The following RSPRY1 variants were observed in gnomAD, a reference collection of about 807,000 sequenced individuals.
RSPRY1 encodes the protein ring finger and SPRY domain containing 1.
RSPRY1 carries 23 observed loss-of-function variants against 73.1 expected under a neutral mutation model. That is an observed-to-expected ratio of 0.31 (90% CI 0.23 to 0.45). RSPRY1 has a LOEUF of 0.45. RSPRY1 is among the 20% of genes least tolerant of loss of function. The pLI, the probability that RSPRY1 is intolerant of heterozygous loss-of-function variation, is 1.00. For missense variants in RSPRY1, 448 were observed against 698.7 expected (o/e 0.64, Z 4.05); for synonymous variants, 226 against 251.4 (o/e 0.90, Z 0.95).
chr16:57,204,987 T>C lies in RSPRY1; in HGVS notation c.329T>C (p.Val110Ala), dbSNP rs1264724922. Reference protein sequence around the residue: ...VDGLVLDTLAVIRTLVDNDQE... With the variant: ...VDGLVLDTLAAIRTLVDNDQE... ...GGGCTAGTGTTGGACACACTGGCAGTAATACGGACTCTTGTAGATAAGTAA... is the reference window on the plus strand; with the variant it reads ...GGGCTAGTGTTGGACACACTGGCAGCAATACGGACTCTTGTAGATAAGTAA... The change falls in exon 2 of 15, where the codon GTA becomes GCA. Residue 110 changes from valine (V) to alanine (A), a missense_variant. Transcript: ENST00000394420. 1 of 1,613,554 alleles carries C rather than the reference T, an allele frequency of 6.2e-7. No individual in the cohort carries two copies. Among genetic ancestry groups the C allele is most frequent in the Non-Finnish European group, 8.5e-7 (1 of 1,179,566 alleles).
intron 8 of RSPRY1, among the ~76,000 whole-genome samples, chr16:57,218,720 CTTTTTTTTTTTTTTTTTTT>C (rs869295634): frequency 1.2e-4 from 5 of 41,130 alleles, no homozygotes; most frequent in South Asian, 1.5e-3. Context: ...GCCACATTTT[CTTTTTTTTTTTTTTTTTTT>C]TTTTTTTTTT....
intron 4 of RSPRY1, among the ~76,000 whole-genome samples, chr16:57,212,209 G>A (rs1432258093): frequency 6.6e-6 from 1 of 152,136 alleles, no homozygotes; most frequent in Non-Finnish European, 1.5e-5. Context: ...TACGAGGGAG[G>A]CTGAAGTGGG....
chr16:57,189,515 A>G (rs1421140367), intron 1 of RSPRY1, among the ~76,000 whole-genome samples: 1 of 152,018 alleles, frequency 6.6e-6, no homozygotes, highest in East Asian at 1.9e-4. Flanking sequence ...AAAAAAAAAA[A>G]AAGTGTGTTT....
intron 14 of RSPRY1, among the ~76,000 whole-genome samples, chr16:57,238,208 T>C (rs2075328981): frequency 6.6e-6 from 1 of 152,236 alleles, no homozygotes; most frequent in Non-Finnish European, 1.5e-5. Flanking sequence ...GAGTCTCTTC[T>C]TGGATAGGAG....
chr16:57,192,775 G>T (rs1482736037), intron 1 of RSPRY1, among the ~76,000 whole-genome samples: 2 of 149,312 alleles, frequency 1.3e-5, no homozygotes, highest in Non-Finnish European at 3.0e-5. Flanking sequence ...GTGCGATCAT[G>T]GTTTACTGCA....
intron 10 of RSPRY1, among the ~76,000 whole-genome samples, chr16:57,225,143 C>A (rs1215037138): frequency 6.6e-6 from 1 of 152,268 alleles, no homozygotes; most frequent in Non-Finnish European, 1.5e-5. Context: ...TCACTGCAAC[C>A]TCTGCCTCCC....
At chr16:57,206,877 TTAA>T (rs2146257513) in intron 2 of RSPRY1, among the ~76,000 whole-genome samples, 1 of 152,308 alleles carries the variant, frequency 6.6e-6, no homozygotes, top group Non-Finnish European at 1.5e-5. Context: ...TTGCAATATT[TTAA>T]AAGAGAGTGA....
chr16:57,230,653 G>T, intron 11 of RSPRY1, 58 bp from the exon 12 acceptor site: 1 of 955,748 alleles, frequency 1.0e-6, no homozygotes. Context: ...GAGATGCTTA[G>T]CAAAGAATCC....
chr16:57,227,234 A>C lies in RSPRY1; in HGVS notation c.1162-108A>C, dbSNP rs11643790. The C allele has an allele frequency of 0.85, 612,164 of 723,130 alleles. 260,276 individuals carry two copies. Among genetic ancestry groups the C allele is most frequent in the Non-Finnish European group, 0.88 (357,631 of 405,528 alleles). 44.8% of individuals were successfully genotyped at this position (723,130 alleles called of 1,614,324 possible). A position where few individuals can be genotyped will look rare whatever the true frequency, so the allele number is the denominator to read the frequency against. On this transcript the variant is annotated intron_variant, in intron 10 of 14. Coordinates refer to ENST00000394420, the MANE Select transcript of RSPRY1 (RefSeq NM_133368.3). Reference sequence around the variant, plus strand: ...AACCATGAGCTCTCTCATCATCCAGAAAGCTTAGAATCCCAGCCATTAGGT... The same window carrying C: ...AACCATGAGCTCTCTCATCATCCAGCAAGCTTAGAATCCCAGCCATTAGGT...
At chr16:57,228,038 C>G (rs1199360047) in intron 11 of RSPRY1, among the ~76,000 whole-genome samples, 1 of 152,124 alleles carries the variant, frequency 6.6e-6, no homozygotes, top group African/African-American at 2.4e-5. Flanking sequence ...GAAATTTAGG[C>G]TGAGGCAGGT....
intron 6 of RSPRY1, 68 bp from the exon 7 acceptor site, chr16:57,216,039 C>T: frequency 1.6e-6 from 2 of 1,241,094 alleles, no homozygotes; most frequent in Non-Finnish European, 2.3e-6. Context: ...GGAAATGAAA[C>T]TGATAACTTG....
At chr16:57,219,353 T>C (rs1459978815) in intron 8 of RSPRY1, among the ~76,000 whole-genome samples, 1 of 152,210 alleles carries the variant, frequency 6.6e-6, no homozygotes, top group Non-Finnish European at 1.5e-5. Context: ...AAATGCCATT[T>C]TTACTGGGGT....
intron 14 of RSPRY1, 36 bp from the exon 15 acceptor site, chr16:57,238,843 C>A: frequency 7.9e-7 from 1 of 1,271,174 alleles, no homozygotes; most frequent in Non-Finnish European, 1.1e-6. Flanking sequence ...CCTTTTGAAG[C>A]ATTAACTTGA....
chr16:57,194,748 G>C (rs1005538813), intron 1 of RSPRY1, among the ~76,000 whole-genome samples: 1 of 152,186 alleles, frequency 6.6e-6, no homozygotes, highest in Non-Finnish European at 1.5e-5. Context: ...AGAAAAGAAA[G>C]TGTTCTTTCT....
chr16:57,227,492 A>C, intron 11 of RSPRY1, 39 bp downstream of exon 11: 2 of 1,414,196 alleles, frequency 1.4e-6, no homozygotes, highest in Non-Finnish European at 2.0e-6. Context: ...CAAGTGGGTT[A>C]AGACATCTGG....
intron 2 of RSPRY1, chr16:57,207,486 TAA>T: frequency 2.4e-6 from 1 of 417,904 alleles, no homozygotes; most frequent in Non-Finnish European, 4.8e-6. Flanking sequence ...TTAAGGTGTA[TAA>T]TGCCACTTTG....
chr16:57,211,567 TCAA>T (rs1391661258), intron 4 of RSPRY1, among the ~76,000 whole-genome samples: 4 of 152,072 alleles, frequency 2.6e-5, no homozygotes, highest in East Asian at 1.9e-4. Flanking sequence ...AGACTCCATC[TCAA>T]CAACAACAAC....
chr16:57,213,181 C>A, intron 5 of RSPRY1, 83 bp downstream of exon 5: 1 of 1,282,232 alleles, frequency 7.8e-7, no homozygotes, highest in Non-Finnish European at 1.1e-6. Context: ...TTTGATCAAA[C>A]TGCTATACCA....
chr16:57,208,551 C>T (rs2074775159), intron 3 of RSPRY1, among the ~76,000 whole-genome samples: 1 of 151,478 alleles, frequency 6.6e-6, no homozygotes, highest in Admixed American at 6.6e-5. Flanking sequence ...AGGCGCATGC[C>T]ACAATACCCA....
Sources: allele counts gnomAD v4.1 joint callset (sites outside exome capture counted in the v4.1 genomes callset), GRCh38; gene constraint gnomAD v4.1.1; transcripts MANE v1.5; gene names NCBI Gene and HGNC (gene_info 2026-07-23, HGNC 2026-07-21).